SDF4: variants seen among roughly 807,000 people sequenced by gnomAD.
The protein encoded by SDF4 is 45 kDa calcium-binding protein.
Under a neutral mutation model 34.2 loss-of-function variants are expected in SDF4, and 22 were observed. The observed-to-expected ratio is 0.64, with a 90% confidence interval of 0.46 to 0.92. SDF4 has a LOEUF of 0.92. Among genes scored for constraint, SDF4 ranks in the 40% least tolerant of loss-of-function variants. The pLI is 0.00. For missense variants in SDF4, 447 were observed against 499.9 expected (o/e 0.89, Z 1.01); for synonymous variants, 236 against 203.1 (o/e 1.16, Z -1.38).
In SDF4 at chr1:1,227,309, G is replaced by A. The variant is rs939141521; in HGVS notation, c.305+1159C>T. 3 of 152,196 alleles carry A rather than the reference G, an allele frequency of 2.0e-5. 1 individual carries two copies. The highest frequency in any genetic ancestry group is 7.3e-5 in the African/African-American group (3 of 40,930). 9.4% of individuals were successfully genotyped at this position (152,196 alleles called of 1,614,324 possible). ...CCAGGCCCGGCGGGAAGGCGAGCTC[G>A]TGGCCAGGCCCTGCGGGAAGGCGAG... On this transcript the variant is annotated intron_variant, in intron 2 of 6. Coordinates refer to ENST00000360001, the MANE Select transcript of SDF4 (RefSeq NM_016176.6).
At chr1:1,230,799 G>A (rs954378492) in intron 1 of SDF4, among the ~76,000 whole-genome samples, 39 of 152,362 alleles carry the variant, frequency 2.6e-4, no homozygotes, top group South Asian at 2.5e-3. Context: ...CTTCCCTAGT[G>A]GTGGCATAAT....
chr1:1,228,986 A>G (rs2100986968), intron 1 of SDF4, 40 bp from the exon 2 acceptor site: 1 of 586,658 alleles, frequency 1.7e-6, no homozygotes, highest in East Asian at 2.8e-5. Context: ...AAGACTCAGC[A>G]AAGACTTCCC....
intron 2 of SDF4, 87 bp downstream of exon 2, chr1:1,228,381 C>T: frequency 1.4e-6 from 2 of 1,386,082 alleles, no homozygotes; most frequent in African/African-American, 2.9e-5. Context: ...CAGGGCCCGG[C>T]GCCCCCCACC....
intron 4 of SDF4, among the ~76,000 whole-genome samples, chr1:1,222,096 C>T (rs918090451): frequency 6.6e-6 from 1 of 152,224 alleles, no homozygotes; most frequent in Non-Finnish European, 1.5e-5. Context: ...GTCCCGTGGG[C>T]GACACGGGCG....
chr1:1,220,253 A>T (rs930405844), intron 4 of SDF4: 5 of 1,037,274 alleles, frequency 4.8e-6, no homozygotes, highest in Admixed American at 5.1e-5. Flanking sequence ...AGGGAGAGTC[A>T]ACGACTGCTG....
At chr1:1,230,656 G>C (rs1316069379) in intron 1 of SDF4, among the ~76,000 whole-genome samples, 6 of 152,084 alleles carry the variant, frequency 3.9e-5, no homozygotes, top group African/African-American at 1.4e-4. Context: ...ATGGGGTTTT[G>C]CCATGTTGGC....
chr1:1,222,054 C>A (rs1649996022), intron 4 of SDF4, among the ~76,000 whole-genome samples: 1 of 152,250 alleles, frequency 6.6e-6, no homozygotes, highest in Non-Finnish European at 1.5e-5. Flanking sequence ...ATACACCCAG[C>A]CTGCCAGGAG....
At chr1:1,221,117 G>A (rs1447630130) in intron 4 of SDF4, 1 of 282,410 alleles carries the variant, frequency 3.5e-6, no homozygotes, top group Admixed American at 4.7e-5. Flanking sequence ...CCAATTTGCA[G>A]GATTTAGAAC....
chr1:1,223,813 C>T lies in SDF4; in HGVS notation c.442+19G>A, dbSNP rs1206203737. 2.3e-6 allele frequency: 3 copies of T among 1,320,050 alleles called. No individual in the cohort carries two copies. In the African/African-American group the frequency reaches 4.4e-5, roughly 19 times the overall value. The allele number at this position is 1,320,050 out of a possible 1,614,324, so 81.8% of individuals were successfully genotyped here. A position where few individuals can be genotyped will look rare whatever the true frequency, so the allele number is the denominator to read the frequency against. ...CCGCCCCGCCCACCGCCCCACCCAC[C>T]CCGGCCCAGCCACAGTACCGTCCCC... On this transcript the variant is annotated intron_variant, in intron 3 of 6. Coordinates refer to ENST00000360001, the MANE Select transcript of SDF4 (RefSeq NM_016176.6).
intron 2 of SDF4, among the ~76,000 whole-genome samples, chr1:1,226,746 G>A (rs573882255): frequency 8.5e-5 from 13 of 152,320 alleles, no homozygotes; most frequent in Admixed American, 6.5e-4. Flanking sequence ...GACAGCTTGG[G>A]GTTTCGTTAC....
intron 1 of SDF4, among the ~76,000 whole-genome samples, chr1:1,231,112 G>C (rs917345957): frequency 1.3e-5 from 2 of 152,208 alleles, no homozygotes; most frequent in African/African-American, 4.8e-5. Flanking sequence ...GGAATAAAAA[G>C]TAACCCAAAA....
intron 1 of SDF4, among the ~76,000 whole-genome samples, chr1:1,231,671 C>A (rs962985139): frequency 5.3e-5 from 8 of 152,236 alleles, no homozygotes; most frequent in Non-Finnish European, 1.2e-4. Context: ...ACCAGACGTG[C>A]CGGCGGCCGG....
At chr1:1,223,603 C>T (rs1032912814) in intron 3 of SDF4, among the ~76,000 whole-genome samples, 1 of 152,256 alleles carries the variant, frequency 6.6e-6, no homozygotes, top group Non-Finnish European at 1.5e-5. Context: ...ACATAAGAGG[C>T]GCCCTCCATG....
chr1:1,223,418 T>A, intron 3 of SDF4, 61 bp from the exon 4 acceptor site: 1 of 1,197,090 alleles, frequency 8.4e-7, no homozygotes. Flanking sequence ...CCTTCTCAAC[T>A]GAGATGGGGT....
rs776389288 is a variant in SDF4 at position 1,217,708 on chromosome 1, A to G, written c.892-20T>C. ...GTAGCTCTGCGGGCGAGCGGGGCACAGGTCAGCGTCGCCTTTCCCCCTCCG... is the reference window on the plus strand; with the variant it reads ...GTAGCTCTGCGGGCGAGCGGGGCACGGGTCAGCGTCGCCTTTCCCCCTCCG... On this transcript the variant is annotated intron_variant, in intron 6 of 6. Transcript: ENST00000360001. The surrounding 1 kb of genome is among the most constrained non-coding windows in gnomAD (Gnocchi z 8.5). The G allele has an allele frequency of 1.0e-4, 162 of 1,612,998 alleles. 1 individual carries two copies. The East Asian group carries it at 3.6e-3, about 36-fold the overall frequency.
At chr1:1,223,095 C>G in intron 4 of SDF4, 149 bp downstream of exon 4, 1 of 644,326 alleles carries the variant, frequency 1.6e-6, no homozygotes, top group Non-Finnish European at 2.8e-6. Flanking sequence ...GCACAGCACA[C>G]TCGTACACAC....
At chr1:1,219,823 G>A (rs1013119221) in intron 4 of SDF4, 14 of 985,706 alleles carry the variant, frequency 1.4e-5, no homozygotes, top group Middle Eastern at 5.2e-4. Flanking sequence ...CGTGAGGCCC[G>A]ACTCTGCCCT....
chr1:1,219,206 C>G (rs907863532), intron 4 of SDF4: 6 of 1,258,184 alleles, frequency 4.8e-6, no homozygotes, highest in Admixed American at 3.4e-5. Flanking sequence ...AGCCTGGACC[C>G]CCCCCTGCCC....
Position 1,217,979 on chromosome 1 carries a change from G to A in SDF4, c.892-291C>T, listed in dbSNP as rs1178691119. 2.0e-5 allele frequency among the ~76,000 whole-genome samples: 3 copies of A among 152,218 alleles called. No individual in the cohort carries two copies. The highest frequency in any genetic ancestry group is 4.4e-5 in the Non-Finnish European group (3 of 68,032). On this transcript the variant is annotated intron_variant, in intron 6 of 6. Coordinates refer to ENST00000360001, the MANE Select transcript of SDF4 (RefSeq NM_016176.6). The surrounding 1 kb of genome is among the most constrained non-coding windows in gnomAD (Gnocchi z 8.5). ...GGGCCGGGCCCACTGGCTGTCGCCA[G>A]GAATCACAGGATTCTACATAAAAAC...
Sources: gnomAD v4.1 joint callset for allele counts (sites outside exome capture counted in the v4.1 genomes callset) on GRCh38, gnomAD v4.1.1 for gene constraint, Gnocchi (gnomAD v3.1) non-coding constraint, MANE v1.5 for transcripts, NCBI Gene and HGNC (gene_info 2026-07-23, HGNC 2026-07-21) for gene names.